FHIP2A: variants seen among roughly 807,000 people sequenced by gnomAD.
The protein encoded by FHIP2A is FHF complex subunit HOOK interacting protein 2A, also known as family with sequence similarity 160 member B1.
A neutral mutation model predicts 93.5 loss-of-function variants in FHIP2A; 46 were observed. The ratio of observed to expected loss-of-function variants is 0.49; its 90% CI spans 0.39 to 0.63. The LOEUF (loss-of-function observed/expected upper bound fraction) is 0.63, where lower values mean the gene tolerates loss of function less well. Among genes scored for constraint, FHIP2A ranks in the 20% least tolerant of loss-of-function variants. The probability of loss-of-function intolerance (pLI) is 0.00; values close to 1 mark genes in which losing one functional copy is unlikely to be tolerated. For missense variants in FHIP2A, 769 were observed against 909.7 expected, an observed-to-expected ratio of 0.85 and a Z score of 1.99; for synonymous variants, 332 against 326.5, an observed-to-expected ratio of 1.02 and a Z score of -0.18.
At chr10:114,876,863 G>T (rs1049570035) in intron 16 of FHIP2A, among the ~76,000 whole-genome samples, 2 of 152,098 alleles carry the variant, frequency 1.3e-5, no homozygotes, top group African/African-American at 4.8e-5. Context: ...GGGCTAAACG[G>T]AATGTTCCAA....
intron 16 of FHIP2A, among the ~76,000 whole-genome samples, chr10:114,887,803 C>A (rs2083950779): frequency 6.6e-6 from 1 of 152,188 alleles, no homozygotes; most frequent in African/African-American, 2.4e-5. Context: ...CTTCAAGGAG[C>A]TGAAATCAGC....
At chr10:114,830,398 C>T (rs753236261) in intron 1 of FHIP2A, among the ~76,000 whole-genome samples, 8 of 151,540 alleles carry the variant, frequency 5.3e-5, no homozygotes, top group Middle Eastern at 3.2e-3. Flanking sequence ...TCAGCCTCCC[C>T]AGAAGCTGGG....
At chr10:114,850,100 T>C (rs1217453302) in intron 13 of FHIP2A, among the ~76,000 whole-genome samples, 1 of 152,206 alleles carries the variant, frequency 6.6e-6, no homozygotes, top group Non-Finnish European at 1.5e-5. Flanking sequence ...ATACGGGTTT[T>C]CCGTTTTCTT....
At chr10:114,844,306 C>T (rs1261958241) in intron 7 of FHIP2A, among the ~76,000 whole-genome samples, 1 of 152,196 alleles carries the variant, frequency 6.6e-6, no homozygotes, top group Admixed American at 6.5e-5. Flanking sequence ...CCTGTTTGTA[C>T]AGAATCTCTT....
At chr10:114,839,223 T>C (rs1412437406) in intron 5 of FHIP2A, among the ~76,000 whole-genome samples, 1 of 152,012 alleles carries the variant, frequency 6.6e-6, no homozygotes, top group Non-Finnish European at 1.5e-5. Context: ...TGCCTCCCAG[T>C]TCAAACGATT....
At chr10:114,845,320 A>C (rs755081677) in intron 7 of FHIP2A, 47 bp from the exon 8 acceptor site, 11 of 1,084,842 alleles carry the variant, frequency 1.0e-5, no homozygotes, top group African/African-American at 1.5e-5. Context: ...AATAGGGTCC[A>C]TGCTTTTGGA....
At chr10:114,899,120 G>A (rs1349626804) in intron 16 of FHIP2A, among the ~76,000 whole-genome samples, 2 of 152,248 alleles carry the variant, frequency 1.3e-5, no homozygotes, top group African/African-American at 2.4e-5. Flanking sequence ...GCAGCTTCAC[G>A]GGTAAGCCTA....
Position 114,843,848 on chromosome 10 carries a change from A to G in FHIP2A, c.924A>G (p.Leu308=). Residue 308 remains leucine, a synonymous_variant, in exon 7 of 17, where the codon CTA becomes CTG. Transcript: ENST00000369248. The part of the protein sequence containing the change: ...CLTQSTCLCE[L]LTDRLASLYK... The stretch of plus-strand genomic sequence containing the variant: ...CACAGAGCACTTGCTTGTGTGAACT[A>G]CTGACAGACAGACTTGCCTCCCTGT... The G allele has an allele frequency of 6.2e-7, 1 of 1,611,834 alleles. No homozygotes were observed. Among genetic ancestry groups the G allele is most frequent in the Non-Finnish European group, 8.5e-7 (1 of 1,179,556 alleles).
chr10:114,883,623 C>T (rs2083927556), intron 16 of FHIP2A, among the ~76,000 whole-genome samples: 1 of 152,044 alleles, frequency 6.6e-6, no homozygotes. Context: ...ACTCTGTCAC[C>T]CAGGCTAGAG....
chr10:114,861,511 G>T lies in FHIP2A; in HGVS notation c.2269G>T (p.Val757Leu), dbSNP rs1301405319. The change falls in exon 17 of 17, where the codon GTA becomes TTA. Residue 757 changes from valine to leucine, a missense_variant. Transcript: ENST00000369248. ...TAAGGAGCTGGCGGCAATCGCATTT[G>T]TAAAATATCATGCTTCCTCCACACC... ...FCKELAAIAF[V>L]KYHASSTP 6.2e-7 allele frequency: 1 copy of T among 1,613,846 alleles called. No homozygotes were observed. The highest frequency in any genetic ancestry group is 8.5e-7 in the Non-Finnish European group (1 of 1,179,958).
intron 16 of FHIP2A, among the ~76,000 whole-genome samples, chr10:114,876,050 CCTGAGGGGAAAGA>C (rs1485034810): frequency 2.0e-5 from 3 of 151,924 alleles, no homozygotes; most frequent in Non-Finnish European, 4.4e-5. Flanking sequence ...AAGAAAGGAG[CCTGAGGGGAAAGA>C]CTGAGGAGGA....
intron 13 of FHIP2A, among the ~76,000 whole-genome samples, chr10:114,850,465 G>C (rs984244339): frequency 6.6e-6 from 1 of 152,136 alleles, no homozygotes; most frequent in African/African-American, 2.4e-5. Flanking sequence ...CAGCACTTTG[G>C]GAGGCCAAGG....
chr10:114,888,875 T>G (rs2083956265), intron 16 of FHIP2A, among the ~76,000 whole-genome samples: 1 of 152,164 alleles, frequency 6.6e-6, no homozygotes, highest in Non-Finnish European at 1.5e-5. Context: ...AGTGCTGGGA[T>G]TAAAGGTGTG....
rs1592029863 is a variant in FHIP2A at position 114,872,380 on chromosome 10, G to A, written c.2192+11046G>A. 2.0e-5 allele frequency among the ~76,000 whole-genome samples: 3 copies of A among 152,296 alleles called. No homozygotes were observed. The South Asian group carries it at 6.2e-4, about 32-fold the overall frequency. ...TCATAAGAGTCAGGGAAGTCTATGA[G>A]TTCAATTTACATTGTAATTTTATAA... is the stretch of plus-strand genomic sequence containing the variant. On this transcript the variant is annotated intron_variant, in intron 16 of 16. Coordinates refer to the FHIP2A transcript ENST00000369250.
chr10:114,837,366 T>C (rs2083642145), intron 5 of FHIP2A, among the ~76,000 whole-genome samples: 1 of 151,998 alleles, frequency 6.6e-6, no homozygotes, highest in Admixed American at 6.6e-5. Flanking sequence ...AATACAAACC[T>C]TAGCTGGGTG....
intron 1 of FHIP2A, among the ~76,000 whole-genome samples, chr10:114,828,848 A>G (rs1417858285): frequency 6.6e-6 from 1 of 152,140 alleles, no homozygotes; most frequent in Admixed American, 6.5e-5. Context: ...CTCTTAACAC[A>G]GTACGATTTA....
At chr10:114,852,054 T>G (rs1268755455) in intron 13 of FHIP2A, among the ~76,000 whole-genome samples, 1 of 151,964 alleles carries the variant, frequency 6.6e-6, no homozygotes, top group Non-Finnish European at 1.5e-5. Flanking sequence ...GTAACTTCGC[T>G]GAACTCGTTT....
chr10:114,888,896 C>T (rs189355345), intron 16 of FHIP2A, among the ~76,000 whole-genome samples: 13 of 152,278 alleles, frequency 8.5e-5, no homozygotes, highest in African/African-American at 2.4e-4. Context: ...AGCCACCGCG[C>T]CCTGCCAAAG....
intron 13 of FHIP2A, among the ~76,000 whole-genome samples, chr10:114,852,142 T>TTGC (rs1410225399): frequency 5.5e-5 from 8 of 146,508 alleles, no homozygotes; most frequent in Admixed American, 2.1e-4. Flanking sequence ...GCATCATTCT[T>TTGC]TGCTGCTGCT....
Sources: gnomAD v4.1 joint callset for allele counts (sites outside exome capture counted in the v4.1 genomes callset) on GRCh38, gnomAD v4.1.1 for gene constraint, MANE v1.5 for transcripts, NCBI Gene and HGNC (gene_info 2026-07-23, HGNC 2026-07-21) for gene names.